The following PRRC2C variants were observed in gnomAD, a reference collection of about 807,000 sequenced individuals.
The protein encoded by PRRC2C is protein PRRC2C.
Under a neutral mutation model 317.2 loss-of-function variants are expected in PRRC2C, and 72 were observed. The ratio of observed to expected loss-of-function variants is 0.23; its 90% CI spans 0.19 to 0.28. The LOEUF (loss-of-function observed/expected upper bound fraction) is 0.28, where lower values mean the gene tolerates loss of function less well. PRRC2C is among the 10% of genes least tolerant of loss of function. The pLI, the probability that PRRC2C is intolerant of heterozygous loss-of-function variation, is 1.00. For missense variants in PRRC2C, 3,074 were observed against 3,459.7 expected (o/e 0.89, Z 2.80); for synonymous variants, 1,296 against 1,205.9 (o/e 1.07, Z -1.55).
rs1455397538 is a variant in PRRC2C at position 171,588,561 on chromosome 1, T to G, written c.8199+56T>G. ...ATTTACTTAAAAATAGTTGCTAATC[T>G]GATAAATTATTATCTTGCCTTATGT... On this transcript the variant is annotated intron_variant, in intron 33 of 34. Coordinates refer to ENST00000647382, the MANE Select transcript of PRRC2C (RefSeq NM_001387844.1). 7.2e-6 allele frequency: 11 copies of G among 1,537,374 alleles called. No individual in the cohort carries two copies. In the East Asian group the frequency reaches 2.6e-4, roughly 36 times the overall value.
In PRRC2C at chr1:171,588,471, T is replaced by C. The variant is rs372172617; in HGVS notation, c.8165T>C (p.Met2722Thr). ...CAGTCAGCCCCTGCCACTGTGAGAA[T>C]GACACAACCATTTCCTACACAGTTT... ...QFQSAPATVR[M>T]TQPFPTQFAP... The change falls in exon 33 of 35, where the codon ATG (methionine) becomes ACG (threonine). Residue 2722 changes from methionine (M) to threonine (T), a missense_variant. Coordinates refer to ENST00000647382, the MANE Select transcript of PRRC2C (RefSeq NM_001387844.1). 11 of 1,613,868 alleles carry C rather than the reference T, an allele frequency of 6.8e-6. No individual in the cohort carries two copies. The highest frequency in any genetic ancestry group is 1.1e-5 in the South Asian group (1 of 91,074).
At chr1:171,512,924 C>G in intron 2 of PRRC2C, 71 bp from the exon 3 acceptor site, 1 of 1,349,918 alleles carries the variant, frequency 7.4e-7, no homozygotes, top group Non-Finnish European at 1.0e-6. Flanking sequence ...TATTGTTTTT[C>G]TATATTGTTT....
At chr1:171,591,240 A>G (rs1651339136) in intron 34 of PRRC2C, 2 of 1,001,690 alleles carry the variant, frequency 2.0e-6, no homozygotes, top group Non-Finnish European at 2.4e-6. Flanking sequence ...TTTTCATTTT[A>G]TTGTAGACCA....
chr1:171,577,689 A>C, intron 26 of PRRC2C, 52 bp downstream of exon 26: 2 of 1,527,294 alleles, frequency 1.3e-6, no homozygotes. Context: ...AGACTTACTA[A>C]AATGCTTATT....
At chr1:171,575,194 T>G in intron 25 of PRRC2C, 66 bp downstream of exon 25, 2 of 1,384,090 alleles carry the variant, frequency 1.4e-6, no homozygotes, top group African/African-American at 2.9e-5. Flanking sequence ...TGATCTCTTC[T>G]TGTTTACTAT....
At chr1:171,488,465 A>G (rs975758155) in intron 1 of PRRC2C, among the ~76,000 whole-genome samples, 1 of 152,214 alleles carries the variant, frequency 6.6e-6, no homozygotes, top group African/African-American at 2.4e-5. Context: ...ACCTTTGTGG[A>G]TAAAAGCGTT....
chr1:171,578,845 CA>C (rs1428453619), intron 26 of PRRC2C, among the ~76,000 whole-genome samples: 108 of 151,820 alleles, frequency 7.1e-4, no homozygotes, highest in Non-Finnish European at 2.9e-5. Flanking sequence ...GCCTGGGTGA[CA>C]AAGCGAGACT....
intron 25 of PRRC2C, 146 bp downstream of exon 25, chr1:171,575,274 C>G (rs1685508684): frequency 1.3e-6 from 1 of 773,626 alleles, no homozygotes; most frequent in Non-Finnish European, 2.0e-6. Flanking sequence ...GGATTACAGG[C>G]ATGAGCCACC....
chr1:171,518,654 C>T (rs1672925645), intron 6 of PRRC2C, among the ~76,000 whole-genome samples: 1 of 135,336 alleles, frequency 7.4e-6, no homozygotes, highest in Non-Finnish European at 1.6e-5. Flanking sequence ...TATGCCACCA[C>T]ACCTGGCTTT....
intron 10 of PRRC2C, among the ~76,000 whole-genome samples, chr1:171,526,826 T>TTTTTTTTTTTTTTTTTA (rs1259116788): frequency 6.9e-6 from 1 of 145,426 alleles, no homozygotes; most frequent in Non-Finnish European, 1.5e-5. Flanking sequence ...TTTTTTTTTT[T>TTTTTTTTTTTTTTTTTA]GAGATGGAGT....
At chr1:171,536,472 A>C (rs2038043) in intron 14 of PRRC2C, among the ~76,000 whole-genome samples, 194 bp downstream of exon 14, 18,811 of 152,210 alleles carry the variant, frequency 0.12, 1,235 homozygotes, top group East Asian at 0.22. Flanking sequence ...ACAAAATACT[A>C]GTTCATTTCT....
chr1:171,539,975 G>A lies in PRRC2C; in HGVS notation c.2509G>A (p.Glu837Lys). ...TTTGAATTCTTATCATCATAGGTCT[G>A]AAGCTGCGTTGGACCAGGAACAGAT... ...ATEEPEDVRSEAALDQEQITA... is the reference protein window; with the variant it reads ...ATEEPEDVRSKAALDQEQITA... Residue 837 changes from glutamate to lysine, a missense_variant, in exon 16 of 35, where the codon GAA becomes AAA. Glu to Lys is a moderately conservative substitution (Grantham distance 56, BLOSUM62 1). Coordinates refer to ENST00000647382, the MANE Select transcript of PRRC2C (RefSeq NM_001387844.1). 6.2e-7 allele frequency: 1 copy of A among 1,605,852 alleles called. No homozygotes were observed. The highest frequency in any genetic ancestry group is 2.2e-5 in the East Asian group (1 of 44,842).
chr1:171,495,530 T>G (rs1273866303), intron 1 of PRRC2C, among the ~76,000 whole-genome samples: 2 of 152,248 alleles, frequency 1.3e-5, no homozygotes, highest in Non-Finnish European at 1.5e-5. Flanking sequence ...AAATATAAAA[T>G]GATTTTCTAC....
chr1:171,501,727 T>G (rs1342576692), intron 1 of PRRC2C, among the ~76,000 whole-genome samples: 5 of 152,270 alleles, frequency 3.3e-5, no homozygotes, highest in Non-Finnish European at 5.9e-5. Flanking sequence ...GTATACTTAT[T>G]TTGATATCCT....
intron 11 of PRRC2C, 101 bp from the exon 12 acceptor site, chr1:171,532,242 A>G: frequency 3.2e-6 from 4 of 1,238,370 alleles, no homozygotes; most frequent in Non-Finnish European, 4.4e-6. Flanking sequence ...CATCAGAGAA[A>G]TTTCTGATAT....
At chr1:171,488,130 AGTTT>A (rs1209297145) in intron 1 of PRRC2C, among the ~76,000 whole-genome samples, 3 of 142,848 alleles carry the variant, frequency 2.1e-5, no homozygotes, top group African/African-American at 7.8e-5. Context: ...ACACTACTTC[AGTTT>A]GTTAGTTAGG....
In PRRC2C at chr1:171,541,423, G is replaced by T. The variant is rs756429295; in HGVS notation, c.3957G>T (p.Leu1319=). 1 of 1,613,856 alleles carries T rather than the reference G, an allele frequency of 6.2e-7. No homozygotes were observed. The highest frequency in any genetic ancestry group is 8.5e-7 in the Non-Finnish European group (1 of 1,179,850). The part of the protein sequence containing the change: ...PDNHVRIDNR[L]LEKPYVRDDD... The stretch of plus-strand genomic sequence containing the variant: ...ATCATGTTCGAATAGATAATAGACT[G>T]CTAGAAAAGCCTTATGTAAGGGATG... Residue 1319 remains leucine, a synonymous_variant, in exon 16 of 35, where the codon CTG becomes CTT. Transcript: ENST00000647382. The surrounding 1 kb of genome is among the most constrained non-coding windows in gnomAD (Gnocchi z 4.1).
In PRRC2C at chr1:171,543,265, A is replaced by G. The variant is rs984102847; in HGVS notation, c.4763+1036A>G. Among the ~76,000 whole-genome samples the G allele has an allele frequency of 4.6e-5, 7 of 151,038 alleles. No individual in the cohort carries two copies. The South Asian group carries it at 6.3e-4, about 14-fold the overall frequency. ...GGCGCCACTGGGAGTGGAGCTTGCA[A>G]TGAGCCGAGATTGTGCCACTGCATT... On this transcript the variant is annotated intron_variant, in intron 16 of 34. Transcript: ENST00000647382.
chr1:171,504,031 T>A (rs578190389), intron 1 of PRRC2C, among the ~76,000 whole-genome samples: 1 of 152,262 alleles, frequency 6.6e-6, no homozygotes, highest in Non-Finnish European at 1.5e-5. Flanking sequence ...GGAGGTACAA[T>A]TCAAGATGAA....
Sources: gnomAD v4.1 joint callset for allele counts (sites outside exome capture counted in the v4.1 genomes callset) on GRCh38, gnomAD v4.1.1 for gene constraint, Gnocchi (gnomAD v3.1) non-coding constraint, MANE v1.5 for transcripts, NCBI Gene and HGNC (gene_info 2026-07-23, HGNC 2026-07-21) for gene names.